The following MFSD2A variants were observed in gnomAD, a reference collection of about 807,000 sequenced individuals.
MFSD2A encodes sodium-dependent lysophosphatidylcholine symporter 1.
A neutral mutation model predicts 64.7 loss-of-function variants in MFSD2A; 27 were observed. The observed-to-expected ratio is 0.42, with a 90% CI of 0.31 to 0.58. The LOEUF (loss-of-function observed/expected upper bound fraction) is 0.58, where lower values mean the gene tolerates loss of function less well. MFSD2A is among the 20% of genes least tolerant of loss of function. MFSD2A has a pLI of 0.18. For synonymous variants in MFSD2A, 258 were observed against 273.4 expected (o/e 0.94, Z 0.55); for missense variants, 474 against 679.5 (o/e 0.70, Z 3.36).
chr1:39,959,372 C>A (rs974731243), intron 3 of MFSD2A, among the ~76,000 whole-genome samples: 1 of 151,790 alleles, frequency 6.6e-6, no homozygotes, highest in African/African-American at 2.4e-5. Flanking sequence ...CTCAGCCTCT[C>A]GAGTAGCTGC....
chr1:39,967,498 G>C, intron 9 of MFSD2A, 130 bp from the exon 10 acceptor site: 1 of 842,066 alleles, frequency 1.2e-6, no homozygotes, highest in Non-Finnish European at 2.0e-6. Flanking sequence ...TGTCATCTTC[G>C]TTGCTGCCCA....
At position 39,955,579 on chromosome 1, in the gene MFSD2A, C is replaced by A. The variant is rs1982873; in HGVS notation, c.93+194C>A. ...GAAAAGCTGTGGGCGCCCTCGCCCC[C>A]CTTTGCTCACCCGCACTCCACGCTC... is the stretch of plus-strand genomic sequence containing the variant. On this transcript the variant is annotated intron_variant, in intron 1 of 13. Coordinates refer to ENST00000372811, the MANE Select transcript of MFSD2A (RefSeq NM_032793.5). This position sits in a 1 kb window ranked among gnomAD's most constrained non-coding sequence, Gnocchi z 5.9. 1 of 703,506 alleles carries A rather than the reference C, an allele frequency of 1.4e-6. No individual in the cohort carries two copies. The highest frequency in any genetic ancestry group is 1.5e-5 in the South Asian group (1 of 66,094). The allele number at this position is 703,506 out of a possible 1,614,324, so 43.6% of individuals were successfully genotyped here.
rs1167037489 is a variant in MFSD2A at position 39,968,273 on chromosome 1, C to T, written c.1209-61C>T. The stretch of plus-strand genomic sequence containing the variant: ...GCAAGCTTCCAGAGGGCCACCTCTT[C>T]TCATTAACACAGAGGCCCGTTAGGT... On this transcript the variant is annotated intron_variant, in intron 11 of 13. Coordinates refer to ENST00000372811, the MANE Select transcript of MFSD2A (RefSeq NM_032793.5). This position sits in a 1 kb window ranked among gnomAD's most constrained non-coding sequence, Gnocchi z 4.4. The T allele has an allele frequency of 6.2e-7, 1 of 1,608,108 alleles. No homozygotes were observed. Among genetic ancestry groups the T allele is most frequent in the Admixed American group, 1.7e-5 (1 of 59,884 alleles).
rs1173280011 is a variant in MFSD2A at position 39,957,079 on chromosome 1, C to A, written c.94-8C>A. ...CTTGGGCCTTTCATCTTTTCCTCCT[C>A]TTCCCAGAAAGAACCGAAAAAGAAG... On this transcript the variant is annotated splice_polypyrimidine_tract_variant and splice_region_variant and intron_variant, in intron 1 of 13. Transcript: ENST00000372811. 11 of 1,614,034 alleles carry A rather than the reference C, an allele frequency of 6.8e-6. No individual in the cohort carries two copies. Among genetic ancestry groups the A allele is most frequent in the Non-Finnish European group, 9.3e-6 (11 of 1,180,026 alleles).
Position 39,960,640 on chromosome 1 carries a change from C to T in MFSD2A, c.353+1815C>T, listed in dbSNP as rs958306244. Among the ~76,000 whole-genome samples, 2 of 152,234 alleles carry T rather than the reference C, an allele frequency of 1.3e-5. No homozygotes were observed. Among genetic ancestry groups the T allele is most frequent in the African/African-American group, 4.8e-5 (2 of 41,470 alleles). ...GATGGTGGCTGCAGGCCGGGTTACTCCCAGTTACACTGGGTTCCTCAGCAG... is the reference window on the plus strand; with the variant it reads ...GATGGTGGCTGCAGGCCGGGTTACTTCCAGTTACACTGGGTTCCTCAGCAG... On this transcript the variant is annotated intron_variant, in intron 3 of 13. Transcript: ENST00000372811. The surrounding 1 kb of genome is among the most constrained non-coding windows in gnomAD (Gnocchi z 4.8).
rs531533752 is a variant in MFSD2A at position 39,963,443 on chromosome 1, TAAAA to T, written c.354-1761_354-1758del. ...GAGAAGTAAAGTGAATTAAGCCTGT[TAAAA>T]AAAAAATGTTTACGAGACAGAGTCT... On this transcript the variant is annotated intron_variant, in intron 3 of 13. Coordinates refer to ENST00000372811, the MANE Select transcript of MFSD2A (RefSeq NM_032793.5). The surrounding 1 kb of genome is among the most constrained non-coding windows in gnomAD (Gnocchi z 4.2). 10 of 500,164 alleles carry T rather than the reference TAAAA, an allele frequency of 2.0e-5. No individual in the cohort carries two copies. The highest frequency in any genetic ancestry group is 1.6e-4 in the African/African-American group (8 of 50,814). The allele number at this position is 500,164 out of a possible 1,614,324, so 31.0% of individuals were successfully genotyped here.
intron 3 of MFSD2A, among the ~76,000 whole-genome samples, chr1:39,961,949 C>T (rs957060784): frequency 1.3e-5 from 2 of 152,256 alleles, no homozygotes; most frequent in Non-Finnish European, 2.9e-5. Flanking sequence ...GGGCTTTCTA[C>T]AGCTCCCCTG....
At chr1:39,956,345 GCCGGGCC>G (rs1023384674) in intron 1 of MFSD2A, among the ~76,000 whole-genome samples, 15 of 152,206 alleles carry the variant, frequency 9.9e-5, no homozygotes, top group Non-Finnish European at 1.5e-4. Flanking sequence ...AGCCAGCTGG[GCCGGGCC>G]CCCGTAGCTC....
chr1:39,955,433 GAAATGGGGGATC>G lies in MFSD2A; in HGVS notation c.93+50_93+61del, dbSNP rs1644904569. The G allele has an allele frequency of 6.7e-7, 1 of 1,497,054 alleles. No homozygotes were observed. The highest frequency in any genetic ancestry group is 1.4e-5 in the African/African-American group (1 of 71,196). The allele number at this position is 1,497,054 out of a possible 1,614,324, so 92.7% of individuals were successfully genotyped here. A position where few individuals can be genotyped will look rare whatever the true frequency, so the allele number is the denominator to read the frequency against. ...GGAGGGCGAGGGGAGGGAGGAGGCGGAAATGGGGGATCAGGGGCGTCCCGGGGTCGGCCTGGT... is the reference window on the plus strand; with the variant it reads ...GGAGGGCGAGGGGAGGGAGGAGGCGGAGGGGCGTCCCGGGGTCGGCCTGGT... On this transcript the variant is annotated intron_variant, in intron 1 of 13. Coordinates refer to ENST00000372811, the MANE Select transcript of MFSD2A (RefSeq NM_032793.5). The surrounding 1 kb of genome is among the most constrained non-coding windows in gnomAD (Gnocchi z 5.9).
chr1:39,967,574 A>T, intron 9 of MFSD2A, 54 bp from the exon 10 acceptor site: 2 of 1,533,534 alleles, frequency 1.3e-6, no homozygotes, highest in South Asian at 2.2e-5. Flanking sequence ...GAAGGGCAGG[A>T]GGGGCTCTGT....
At position 39,960,938 on chromosome 1, in the gene MFSD2A, C is replaced by T. The variant is rs1173328192; in HGVS notation, c.353+2113C>T. On this transcript the variant is annotated intron_variant, in intron 3 of 13. Coordinates refer to ENST00000372811, the MANE Select transcript of MFSD2A (RefSeq NM_032793.5). This position sits in a 1 kb window ranked among gnomAD's most constrained non-coding sequence, Gnocchi z 4.8. ...GTGTATGCCTGCACGCGGGATGGCT[C>T]GTGGGCTGAAGGCTGGTGTGCATAT... Among the ~76,000 whole-genome samples, 3 of 152,082 alleles carry T rather than the reference C, an allele frequency of 2.0e-5. No homozygotes were observed. The highest frequency in any genetic ancestry group is 4.4e-5 in the Non-Finnish European group (3 of 68,016).
intron 6 of MFSD2A, among the ~76,000 whole-genome samples, chr1:39,966,328 C>G (rs1334368691): frequency 6.6e-6 from 1 of 152,034 alleles, no homozygotes; most frequent in Admixed American, 6.6e-5. Context: ...CGGGGTCTTG[C>G]CAAGTTGCCC....
intron 3 of MFSD2A, among the ~76,000 whole-genome samples, chr1:39,961,394 A>G (rs1263634307): frequency 1.6e-5 from 2 of 123,760 alleles, no homozygotes; most frequent in African/African-American, 6.4e-5. Context: ...TGTCGCCCAG[A>G]CTGGAGTGCA....
Position 39,967,633 on chromosome 1 carries a change from G to A in MFSD2A, c.1017G>A (p.Ser339=), listed in dbSNP as rs895113756. ...CCCCCTTTGTCCATCCACAGCTCTC[G>A]GCCACTTTAACCATTCCCATCTGGC... The part of the protein sequence containing the change: ...FQNLLLAIML[S]ATLTIPIWQW... Residue 339 remains serine, a synonymous_variant, in exon 10 of 14, where the codon TCG becomes TCA. Transcript: ENST00000372811. 6 of 1,613,922 alleles carry A rather than the reference G, an allele frequency of 3.7e-6. No homozygotes were observed. Among genetic ancestry groups the A allele is most frequent in the East Asian group, 4.5e-5 (2 of 44,900 alleles).
In MFSD2A at chr1:39,965,524, T is replaced by A. The variant is rs1395668529; in HGVS notation, c.531T>A (p.Thr177=). Residue 177 remains threonine, a synonymous_variant, in exon 5 of 14, where the codon ACT becomes ACA. Coordinates refer to ENST00000372811, the MANE Select transcript of MFSD2A (RefSeq NM_032793.5). The surrounding 1 kb of genome is among the most constrained non-coding windows in gnomAD (Gnocchi z 5.5). ...CCATGTTCATCAGCACCGAGCAGAC[T>A]GAGCGGGATTCTGCCACCGCCTATC... The part of the protein sequence containing the change: ...ALTMFISTEQ[T]ERDSATAYRM... 2 of 1,614,088 alleles carry A rather than the reference T, an allele frequency of 1.2e-6. No homozygotes were observed. Among genetic ancestry groups the A allele is most frequent in the Admixed American group, 3.3e-5 (2 of 60,008 alleles).
At position 39,966,978 on chromosome 1, in the gene MFSD2A, G is replaced by C. The variant is rs530732892; in HGVS notation, c.927+46G>C. The C allele has an allele frequency of 6.2e-6, 10 of 1,613,068 alleles. No homozygotes were observed. In the African/African-American group the frequency reaches 1.1e-4, roughly 17 times the overall value. On this transcript the variant is annotated intron_variant, in intron 8 of 13. Transcript: ENST00000372811. ...TCAGCCTGAGAAGGAGGTGTAATGG[G>C]AGCGGGGTGAGCAGAGGTCTCTGGG... is the stretch of plus-strand genomic sequence containing the variant.
At chr1:39,956,744 G>A (rs771299686) in intron 1 of MFSD2A, among the ~76,000 whole-genome samples, 1 of 151,626 alleles carries the variant, frequency 6.6e-6, no homozygotes, top group Non-Finnish European at 1.5e-5. Flanking sequence ...GTGAAACCCC[G>A]TCTCTACTTA....
chr1:39,957,971 T>C (rs1644963491), intron 2 of MFSD2A: 1 of 152,570 alleles, frequency 6.6e-6, no homozygotes, highest in Non-Finnish European at 1.5e-5. Flanking sequence ...GTAACTCCCA[T>C]GGGCTGGGCC....
At chr1:39,956,293 T>C (rs1296937081) in intron 1 of MFSD2A, among the ~76,000 whole-genome samples, 3 of 152,140 alleles carry the variant, frequency 2.0e-5, no homozygotes, top group African/African-American at 4.8e-5. Flanking sequence ...CTGCCTATAG[T>C]GGTCAGGGAT....
Sources: allele counts gnomAD v4.1 joint callset (sites outside exome capture counted in the v4.1 genomes callset), GRCh38; gene constraint gnomAD v4.1.1; non-coding constraint Gnocchi (gnomAD v3.1); transcripts MANE v1.5; gene names NCBI Gene and HGNC (gene_info 2026-07-23, HGNC 2026-07-21).